SLC27A1: variants seen among roughly 807,000 people sequenced by gnomAD.
SLC27A1 encodes the protein solute carrier family 27 member 1.
SLC27A1 carries 61 observed loss-of-function variants against 62.2 expected under a neutral mutation model. The observed-to-expected ratio is 0.98, with a 90% CI of 0.80 to 1.21. The LOEUF is 1.21. SLC27A1 is among the 50% of genes most tolerant of loss of function. The pLI is 0.00. For synonymous variants in SLC27A1, 435 were observed against 408.6 expected (o/e 1.06, Z -0.78); for missense variants, 903 against 932.1 (o/e 0.97, Z 0.41).
intron 6 of SLC27A1, chr19:17,489,890 A>C (rs2075278419): frequency 6.5e-6 from 1 of 152,708 alleles, no homozygotes; most frequent in African/African-American, 2.4e-5. Flanking sequence ...GGGAATAGCA[A>C]GGCTGACTGG....
intron 1 of SLC27A1, among the ~76,000 whole-genome samples, chr19:17,484,986 T>G (rs1260049774): frequency 1.3e-5 from 2 of 151,852 alleles, no homozygotes; most frequent in Non-Finnish European, 2.9e-5. Context: ...CAGGGCCAGG[T>G]ACTACAACAA....
In SLC27A1 at chr19:17,470,633, G is replaced by A. The variant is rs1185920468; in HGVS notation, c.93G>A (p.Ala31=). The A allele has an allele frequency of 3.2e-6, 5 of 1,576,392 alleles. No individual in the cohort carries two copies. In the African/African-American group the frequency reaches 5.4e-5, roughly 17 times the overall value. ...CGTGGACCTGGAGCGCGGCAGCGGCGCTCGGCGTGTACGTGGGCAGCGGCG... is the reference window on the plus strand; with the variant it reads ...CGTGGACCTGGAGCGCGGCAGCGGCACTCGGCGTGTACGTGGGCAGCGGCG... ...GLPWTWSAAA[A]LGVYVGSGGW... The change falls in exon 1 of 12, where the codon GCG becomes GCA. Residue 31 remains alanine (A), a synonymous_variant. Transcript: ENST00000252595.
chr19:17,504,757 G>A lies in SLC27A1; in HGVS notation c.*145G>A. The A allele has an allele frequency of 9.3e-7, 1 of 1,073,858 alleles. No homozygotes were observed. Among genetic ancestry groups the A allele is most frequent in the Non-Finnish European group, 1.4e-6 (1 of 722,574 alleles). 66.5% of individuals were successfully genotyped at this position (1,073,858 alleles called of 1,614,324 possible). On this transcript the variant is annotated 3_prime_UTR_variant, in exon 12 of 12. Coordinates refer to ENST00000252595, the MANE Select transcript of SLC27A1 (RefSeq NM_198580.3). ...CGGCCCATCCTGGACTGAGAAACTG[G>A]AACCTCAGAGGAACCCGTGCCTCTC...
At chr19:17,481,733 G>C (rs2075180558) in intron 1 of SLC27A1, among the ~76,000 whole-genome samples, 1 of 152,104 alleles carries the variant, frequency 6.6e-6, no homozygotes, top group Non-Finnish European at 1.5e-5. Flanking sequence ...GAACTGCTGG[G>C]CTCAAGCAAT....
At chr19:17,472,038 T>A (rs4808648) in intron 1 of SLC27A1, among the ~76,000 whole-genome samples, 3 of 152,180 alleles carry the variant, frequency 2.0e-5, no homozygotes, top group African/African-American at 7.2e-5. Flanking sequence ...GCTCTCCCTC[T>A]GGGAACCTTT....
intron 11 of SLC27A1, among the ~76,000 whole-genome samples, chr19:17,501,802 CAAAAAAAAAA>C (rs71162147): frequency 1.5e-5 from 1 of 66,106 alleles, no homozygotes; most frequent in African/African-American, 7.2e-5. Flanking sequence ...TACTCTGTCT[CAAAAAAAAAA>C]AAAAAAAAAG....
In SLC27A1 at chr19:17,497,393, G is replaced by C. The variant is rs149506410; in HGVS notation, c.1135G>C (p.Gly379Arg). 102 of 1,605,076 alleles carry C rather than the reference G, an allele frequency of 6.4e-5. No individual in the cohort carries two copies. The highest frequency in any genetic ancestry group is 8.2e-5 in the Non-Finnish European group (97 of 1,177,464). ...AIWEEFTERFGVRQIGEFYGA... is the reference protein window; with the variant it reads ...AIWEEFTERFRVRQIGEFYGA... The stretch of plus-strand genomic sequence containing the variant: ...CTGGGAGGAGTTCACGGAGCGCTTC[G>C]GCGTACGCCAAATCGGGGAGTTCTA... Residue 379 changes from glycine (G) to arginine (R), a missense_variant, in exon 7 of 12, where the codon GGC (glycine) becomes CGC (arginine). Physicochemically the swap from Gly to Arg is moderately radical, Grantham distance 125. Transcript: ENST00000252595.
At position 17,505,496 on chromosome 19, in the gene SLC27A1, C is replaced by T. The variant is rs1248566901; in HGVS notation, c.*884C>T. The T allele has an allele frequency of 5.2e-5, 8 of 153,726 alleles. No individual in the cohort carries two copies. The highest frequency in any genetic ancestry group is 1.9e-4 in the African/African-American group (8 of 41,474). The allele number at this position is 153,726 out of a possible 1,614,324, so 9.5% of individuals were successfully genotyped here. A position where few individuals can be genotyped will look rare whatever the true frequency, so the allele number is the denominator to read the frequency against. On this transcript the variant is annotated 3_prime_UTR_variant, in exon 12 of 12. Transcript: ENST00000252595. ...CAACTGGAAAATCTCCCAGGCTAGG[C>T]CAATTGCCTTTTGCACTTCCCCGTT... is the stretch of plus-strand genomic sequence containing the variant.
intron 6 of SLC27A1, among the ~76,000 whole-genome samples, chr19:17,493,959 C>T (rs537354945): frequency 1.1e-4 from 16 of 151,296 alleles, no homozygotes; most frequent in Admixed American, 7.2e-4. Flanking sequence ...TGTACACGTG[C>T]TAACAAAAAA....
chr19:17,470,343 T>A (rs964751412), upstream of SLC27A1: 1 of 597,300 alleles, frequency 1.7e-6, no homozygotes, highest in East Asian at 3.5e-5. Context: ...AAAGGGGCGA[T>A]GCCTGGCCTG....
At chr19:17,498,311 G>A (rs570822213) in intron 7 of SLC27A1, 1 of 152,264 alleles carries the variant, frequency 6.6e-6, no homozygotes, top group Non-Finnish European at 1.5e-5. Flanking sequence ...CGAGGCTGCA[G>A]TGAGCTATGA....
chr19:17,491,956 C>T (rs899307409), intron 6 of SLC27A1, among the ~76,000 whole-genome samples: 1 of 152,098 alleles, frequency 6.6e-6, no homozygotes, highest in Non-Finnish European at 1.5e-5. Context: ...TCTCTCTTCC[C>T]TCTTGGAATT....
rs115721534 is a variant in SLC27A1, at chr19:17,500,119, G to A, written c.1207-159G>A. On this transcript the variant is annotated intron_variant, in intron 7 of 11. Coordinates refer to ENST00000252595, the MANE Select transcript of SLC27A1 (RefSeq NM_198580.3). ...GGAGGAGGGGCCCTGAGTTGGAGGC[G>A]ACGCTTACTACCCTGCTTTTGCAGA... Among the ~76,000 whole-genome samples, 1,035 of 152,298 alleles carry A rather than the reference G, an allele frequency of 6.8e-3. 8 individuals are homozygous for A. Among genetic ancestry groups the A allele is most frequent in the African/African-American group, 0.024 (987 of 41,564 alleles).
rs1186344369 is a variant in SLC27A1 at position 17,500,788 on chromosome 19, G to A, written c.1548G>A (p.Gly516=). ...GCGGGGACACCTTCCGCTGGCGAGG[G>A]GAGAACGTCTCCACCACCGAGGTGG... ...DRSGDTFRWR[G]ENVSTTEVEG... is the part of the protein sequence containing the mutation. Residue 516 remains glycine (G), a synonymous_variant, in exon 10 of 12, where the codon GGG becomes GGA. Transcript: ENST00000252595. 1 of 1,612,778 alleles carries A rather than the reference G, an allele frequency of 6.2e-7. No homozygotes were observed. The highest frequency in any genetic ancestry group is 1.1e-5 in the South Asian group (1 of 91,040).
chr19:17,504,550 C>A lies in SLC27A1; in HGVS notation c.1879C>A (p.His627Asn). The A allele has an allele frequency of 6.2e-7, 1 of 1,614,190 alleles. No homozygotes were observed. Residue 627 changes from histidine (H) to asparagine (N), a missense_variant, in exon 12 of 12, where the codon CAC becomes AAC. Transcript: ENST00000252595. Reference sequence around the variant, plus strand: ...CTTCTTCCTGGACCTGAAGCAGGGCCACTACCTGCCCTTAAATGAGGCAGT... The same window carrying A: ...CTTCTTCCTGGACCTGAAGCAGGGCAACTACCTGCCCTTAAATGAGGCAGT... ...RLFFLDLKQG[H>N]YLPLNEAVYT...
At chr19:17,478,450 G>A in intron 1 of SLC27A1, among the ~76,000 whole-genome samples, 1 of 123,086 alleles carries the variant, frequency 8.1e-6, no homozygotes, top group African/African-American at 3.1e-5. Context: ...CTGGGCGACA[G>A]AGCAAGACTC....
At chr19:17,482,512 G>A (rs1238264851) in intron 1 of SLC27A1, among the ~76,000 whole-genome samples, 5 of 152,022 alleles carry the variant, frequency 3.3e-5, no homozygotes, top group Admixed American at 6.6e-5. Context: ...TTAGCTGGGC[G>A]TGGTAGCATG....
chr19:17,489,170 C>G, intron 6 of SLC27A1, 53 bp downstream of exon 6: 1 of 1,485,064 alleles, frequency 6.7e-7, no homozygotes, highest in South Asian at 1.2e-5. Context: ...CCAGGCCTCA[C>G]CCCCTCCCAA....
chr19:17,471,722 C>A (rs2075078420), intron 1 of SLC27A1, among the ~76,000 whole-genome samples: 1 of 152,064 alleles, frequency 6.6e-6, no homozygotes, highest in Admixed American at 6.6e-5. Flanking sequence ...AAGATCCCAC[C>A]GTAAGTTGAC....
Sources: gnomAD v4.1 joint callset for allele counts (sites outside exome capture counted in the v4.1 genomes callset) on GRCh38, gnomAD v4.1.1 for gene constraint, MANE v1.5 for transcripts, NCBI Gene and HGNC (gene_info 2026-07-23, HGNC 2026-07-21) for gene names.